The following ZCCHC7 variants were observed in gnomAD, a reference collection of about 807,000 sequenced individuals.
ZCCHC7 encodes zinc finger CCHC-type containing 7.
ZCCHC7 carries 35 observed loss-of-function variants against 52.0 expected under a neutral mutation model. The ratio of observed to expected loss-of-function variants is 0.67; its 90% confidence interval spans 0.51 to 0.89. ZCCHC7 has a LOEUF of 0.89. ZCCHC7 is among the 40% of genes least tolerant of loss of function. The probability of loss-of-function intolerance (pLI) is 0.00; values close to 1 mark genes in which losing one functional copy is unlikely to be tolerated. For missense variants in ZCCHC7, 574 were observed against 649.1 expected (o/e 0.88, Z 1.26); for synonymous variants, 217 against 221.5 (o/e 0.98, Z 0.18).
chr9:37,281,378 G>GTGAAA (rs1827951742), intron 2 of ZCCHC7, among the ~76,000 whole-genome samples: 1 of 152,170 alleles, frequency 6.6e-6, no homozygotes, highest in Non-Finnish European at 1.5e-5. Context: ...TGACATAGAG[G>GTGAAA]TGAAATTCTC....
chr9:37,283,442 C>G (rs543926437), intron 2 of ZCCHC7, among the ~76,000 whole-genome samples: 1 of 152,184 alleles, frequency 6.6e-6, no homozygotes, highest in South Asian at 2.1e-4. Context: ...AAACAGAAAA[C>G]TTTAAAATGG....
intron 2 of ZCCHC7, among the ~76,000 whole-genome samples, chr9:37,182,555 G>A (rs375450247): frequency 1.3e-5 from 2 of 151,888 alleles, no homozygotes; most frequent in African/African-American, 2.4e-5. Context: ...AGTAGATAAG[G>A]GGTTTCACTT....
Position 37,278,243 on chromosome 9 carries a change from G to A in ZCCHC7, c.611-23945G>A, listed in dbSNP as rs1271960568. Reference sequence around the variant, plus strand: ...ACTGACTGACAAGGATTTTAAAGCTGTTATTAGTTATGACTATGCTCAAGG... The same window carrying A: ...ACTGACTGACAAGGATTTTAAAGCTATTATTAGTTATGACTATGCTCAAGG... On this transcript the variant is annotated intron_variant, in intron 2 of 8. Coordinates refer to ENST00000336755, the MANE Select transcript of ZCCHC7 (RefSeq NM_032226.3). Among the ~76,000 whole-genome samples the A allele has an allele frequency of 2.0e-5, 3 of 152,014 alleles. No individual in the cohort carries two copies. The East Asian group carries it at 5.8e-4, about 29-fold the overall frequency.
At chr9:37,139,994 A>G (rs1182604275) in intron 2 of ZCCHC7, among the ~76,000 whole-genome samples, 1 of 151,944 alleles carries the variant, frequency 6.6e-6, no homozygotes, top group Admixed American at 6.6e-5. Flanking sequence ...TGATATTGCT[A>G]ATGTAATACA....
Position 37,357,672 on chromosome 9 carries a change from C to CTTT in ZCCHC7, c.*421_*423dup, listed in dbSNP as rs201395017. 7 of 136,502 alleles carry CTTT rather than the reference C, an allele frequency of 5.1e-5. No homozygotes were observed. The highest frequency in any genetic ancestry group is 1.3e-4 in the African/African-American group (5 of 38,072). 8.5% of individuals were successfully genotyped at this position (136,502 alleles called of 1,614,324 possible). On this transcript the variant is annotated 3_prime_UTR_variant, in exon 9 of 9. Coordinates refer to ENST00000336755, the MANE Select transcript of ZCCHC7 (RefSeq NM_032226.3). ...AGAAAAAGTCATCAATATTTTTCAA[C>CTTT]TTTTTTTTTTTTTTTTTTTACTTTG...
intron 5 of ZCCHC7, among the ~76,000 whole-genome samples, chr9:37,319,012 T>C: frequency 6.6e-6 from 1 of 152,052 alleles, no homozygotes; most frequent in Non-Finnish European, 1.5e-5. Context: ...ATTATAGATG[T>C]TTTATCATTT....
intron 2 of ZCCHC7, among the ~76,000 whole-genome samples, chr9:37,138,906 TA>T (rs961953978): frequency 6.6e-6 from 1 of 151,978 alleles, no homozygotes; most frequent in African/African-American, 2.4e-5. Flanking sequence ...ATAGACAGTA[TA>T]TTTTTATGGT....
chr9:37,135,349 T>A (rs896110392), intron 2 of ZCCHC7, among the ~76,000 whole-genome samples: 1 of 152,252 alleles, frequency 6.6e-6, no homozygotes. Context: ...GAAGTTCTTA[T>A]TCCTGTTTGT....
At chr9:37,266,731 A>G (rs1176135036) in intron 2 of ZCCHC7, among the ~76,000 whole-genome samples, 2 of 152,096 alleles carry the variant, frequency 1.3e-5, no homozygotes, top group African/African-American at 4.8e-5. Flanking sequence ...AAAATTAACC[A>G]GGTATAGTGG....
chr9:37,327,135 T>G (rs1830276674), intron 5 of ZCCHC7: 1 of 152,130 alleles, frequency 6.6e-6, no homozygotes, highest in African/African-American at 2.4e-5. Context: ...GGTTGGTTCT[T>G]TTGTTGTTAC....
intron 5 of ZCCHC7, among the ~76,000 whole-genome samples, chr9:37,325,786 T>A (rs1229293219): frequency 3.9e-5 from 6 of 152,192 alleles, no homozygotes; most frequent in Non-Finnish European, 7.4e-5. Context: ...AAAATACTTA[T>A]GAGACAGTCA....
At chr9:37,126,212 C>A in intron 1 of ZCCHC7, 100 bp from the exon 2 acceptor site, 2 of 1,154,700 alleles carry the variant, frequency 1.7e-6, no homozygotes, top group Non-Finnish European at 2.4e-6. Context: ...TAGTGATGGC[C>A]TTCATATTAG....
At chr9:37,296,597 T>C (rs898307528) in intron 2 of ZCCHC7, among the ~76,000 whole-genome samples, 9 of 152,082 alleles carry the variant, frequency 5.9e-5, no homozygotes, top group East Asian at 1.9e-4. Flanking sequence ...TTTTTTTTTT[T>C]CCGAATCTCT....
rs531047848 is a variant in ZCCHC7, at chr9:37,345,335, C to A, written c.988-4022C>A. Among the ~76,000 whole-genome samples the A allele has an allele frequency of 2.6e-5, 4 of 152,286 alleles. No individual in the cohort carries two copies. In the East Asian group the frequency reaches 7.7e-4, roughly 29 times the overall value. On this transcript the variant is annotated intron_variant, in intron 6 of 8. Transcript: ENST00000336755. Reference sequence around the variant, plus strand: ...ATAGCTGTCTTTGTGGGTGGAAAATCATTTCTGCTTAATAATTTCATGTCT... The same window carrying A: ...ATAGCTGTCTTTGTGGGTGGAAAATAATTTCTGCTTAATAATTTCATGTCT...
At chr9:37,258,008 C>T (rs557818431) in intron 2 of ZCCHC7, among the ~76,000 whole-genome samples, 2 of 152,262 alleles carry the variant, frequency 1.3e-5, no homozygotes, top group South Asian at 4.1e-4. Flanking sequence ...AGATTAGGAA[C>T]TATACTTTGT....
chr9:37,146,836 T>A (rs1291619863), intron 2 of ZCCHC7, among the ~76,000 whole-genome samples: 1 of 151,912 alleles, frequency 6.6e-6, no homozygotes, highest in Admixed American at 6.6e-5. Flanking sequence ...AAGTTGAAAA[T>A]CTGCCTCAGT....
At chr9:37,239,044 G>T (rs1387418564) in intron 2 of ZCCHC7, among the ~76,000 whole-genome samples, 4 of 152,042 alleles carry the variant, frequency 2.6e-5, no homozygotes, top group African/African-American at 9.7e-5. Flanking sequence ...ATAAATTGGA[G>T]TCATCAGTGT....
chr9:37,164,576 G>A (rs922848032), intron 2 of ZCCHC7, among the ~76,000 whole-genome samples: 6 of 151,842 alleles, frequency 4.0e-5, no homozygotes, highest in African/African-American at 1.5e-4. Flanking sequence ...AAAGAGAGAA[G>A]AGAAAGAAAA....
Position 37,348,568 on chromosome 9 carries a change from C to T in ZCCHC7, c.988-789C>T, listed in dbSNP as rs149235265. 7.7e-3 allele frequency among the ~76,000 whole-genome samples: 1,166 copies of T among 151,996 alleles called. 9 individuals carry two copies. Among genetic ancestry groups the T allele is most frequent in the Non-Finnish European group, 0.013 (854 of 67,952 alleles). ...CTAATTTTTGTATTTTTAGTAGAGA[C>T]GAGGTTTCACCATGCTGGCCAGGCT... On this transcript the variant is annotated intron_variant, in intron 6 of 8. Coordinates refer to ENST00000336755, the MANE Select transcript of ZCCHC7 (RefSeq NM_032226.3).
Sources: gnomAD v4.1 joint callset for allele counts (sites outside exome capture counted in the v4.1 genomes callset) on GRCh38, gnomAD v4.1.1 for gene constraint, MANE v1.5 for transcripts, NCBI Gene and HGNC (gene_info 2026-07-23, HGNC 2026-07-21) for gene names.